The following RPGRIP1 variants were observed in gnomAD, a reference collection of about 807,000 sequenced individuals.
RPGRIP1 encodes RPGR interacting protein 1.
RPGRIP1 carries 128 observed loss-of-function variants against 157.9 expected under a neutral mutation model. The ratio of observed to expected loss-of-function variants is 0.81; its 90% CI spans 0.70 to 0.94. The LOEUF (loss-of-function observed/expected upper bound fraction) is 0.94. Ranked by LOEUF, RPGRIP1 falls within the 40% of genes least tolerant of loss-of-function variation. The probability of loss-of-function intolerance (pLI) is 0.00; values close to 1 mark genes in which losing one functional copy is unlikely to be tolerated. For synonymous variants in RPGRIP1, 554 were observed against 571.6 expected, an observed-to-expected ratio of 0.97 and a Z score of 0.44; for missense variants, 1,486 against 1,545.8, an observed-to-expected ratio of 0.96 and a Z score of 0.65.
chr14:21,325,724 G>A, intron 16 of RPGRIP1, 107 bp from the exon 17 acceptor site: 2 of 829,390 alleles, frequency 2.4e-6, no homozygotes, highest in South Asian at 3.8e-5. Flanking sequence ...ATCCAGTTGG[G>A]ATAGCTGTTC....
chr14:21,317,963 G>A (rs1881944319), intron 11 of RPGRIP1, 113 bp downstream of exon 11: 2 of 913,916 alleles, frequency 2.2e-6, no homozygotes, highest in African/African-American at 1.7e-5. Context: ...CTATTCTTTT[G>A]TGGGTTGTAG....
In RPGRIP1 at chr14:21,328,460, G is replaced by C; in HGVS notation, c.2932G>C (p.Gly978Arg). 1 of 1,613,594 alleles carries C rather than the reference G, an allele frequency of 6.2e-7. No individual in the cohort carries two copies. ...MASPEVPIEAGQYRSKRKPPH... is the reference protein window; with the variant it reads ...MASPEVPIEARQYRSKRKPPH... Reference sequence around the variant, plus strand: ...ATCTCCTGAGGTTCCCATTGAAGCTGGCCAGTATCGATCTAAGAGAAAACC... The same window carrying C: ...ATCTCCTGAGGTTCCCATTGAAGCTCGCCAGTATCGATCTAAGAGAAAACC... Residue 978 changes from glycine to arginine, a missense_variant, in exon 19 of 25, where the codon GGC becomes CGC. Gly to Arg is a moderately radical substitution (Grantham distance 125). Coordinates refer to ENST00000400017, the MANE Select transcript of RPGRIP1 (RefSeq NM_020366.4).
In RPGRIP1 at chr14:21,304,389, G is replaced by GAGAAAGAA. The variant is rs4058350; in HGVS notation, c.800+896_800+903dup. Among the ~76,000 whole-genome samples, 1,032 of 121,008 alleles carry GAGAAAGAA rather than the reference G, an allele frequency of 8.5e-3. 8 individuals carry two copies. The highest frequency in any genetic ancestry group is 0.025 in the Middle Eastern group (6 of 244). The allele number at this position is 121,008 out of a possible 152,430, so 79.4% of individuals were successfully genotyped here. Reference sequence around the variant, plus strand: ...AAGGAAGGGAGGGAGGAAGGAGAGAGAGAAAGAAAGAAAGAAAGAAAGAAA... The same window carrying GAGAAAGAA: ...AAGGAAGGGAGGGAGGAAGGAGAGAGAGAAAGAAAGAAAGAAAGAAAGAAAGAAAGAAA... On this transcript the variant is annotated intron_variant, in intron 6 of 24. Coordinates refer to ENST00000400017, the MANE Select transcript of RPGRIP1 (RefSeq NM_020366.4).
intron 21 of RPGRIP1, 65 bp downstream of exon 21, chr14:21,334,770 T>C (rs1233124095): frequency 8.9e-7 from 1 of 1,123,190 alleles, no homozygotes; most frequent in Non-Finnish European, 1.3e-6. Context: ...TGGCCAGTCA[T>C]GGGGGCTCAC....
intron 14 of RPGRIP1, among the ~76,000 whole-genome samples, chr14:21,323,346 C>T (rs1882708269): frequency 1.3e-5 from 2 of 151,740 alleles, no homozygotes; most frequent in African/African-American, 4.8e-5. Context: ...CGCTTGAACC[C>T]GGGAGGCAAA....
Position 21,324,798 on chromosome 14 carries a change from C to A in RPGRIP1, c.1943C>A (p.Thr648Asn), listed in dbSNP as rs780101671. ...GCCGCCCTAGCTCAGGCTGGAGATA[C>A]CCAACCTACCACTTTCTGCACCTAT... ...TSAALAQAGD[T>N]QPTTFCTYSF... Residue 648 changes from threonine (T) to asparagine (N), a missense_variant, in exon 15 of 25, where the codon ACC becomes AAC. Physicochemically the swap from Thr to Asn is moderately conservative, Grantham distance 65 (BLOSUM62 0). Coordinates refer to ENST00000400017, the MANE Select transcript of RPGRIP1 (RefSeq NM_020366.4). 2.7e-5 allele frequency: 44 copies of A among 1,614,066 alleles called. No homozygotes were observed. In the South Asian group the frequency reaches 4.7e-4, roughly 17 times the overall value.
At chr14:21,306,718 A>G (rs1185344773) in intron 6 of RPGRIP1, among the ~76,000 whole-genome samples, 1 of 150,642 alleles carries the variant, frequency 6.6e-6, no homozygotes, top group African/African-American at 2.5e-5. Flanking sequence ...CAGCCTTCCA[A>G]AGTGCTGGGA....
At chr14:21,349,458 T>G (rs1472762955) in intron 24 of RPGRIP1, among the ~76,000 whole-genome samples, 2 of 143,646 alleles carry the variant, frequency 1.4e-5, no homozygotes, top group Non-Finnish European at 3.0e-5. Flanking sequence ...TGGAGTGCAA[T>G]GGACCGATCT....
intron 1 of RPGRIP1, among the ~76,000 whole-genome samples, chr14:21,286,859 T>C (rs550910732): frequency 2.4e-4 from 36 of 151,896 alleles, no homozygotes; most frequent in Non-Finnish European, 5.2e-4. Context: ...ACATACATAG[T>C]ATTTAAAGTC....
At position 21,327,645 on chromosome 14, in the gene RPGRIP1, T is replaced by C; in HGVS notation, c.2733T>C (p.Pro911=). Residue 911 remains proline, a synonymous_variant, in exon 18 of 25, where the codon CCT becomes CCC. Transcript: ENST00000400017. ...SIKGDFNLTD[P]AEKPNGSIQV... ...CAGGTGATTTTAACCTCACTGACCC[T>C]GCAGAGAAACCCAACGGATCTATTC... 6.2e-7 allele frequency: 1 copy of C among 1,613,986 alleles called. No individual in the cohort carries two copies. The highest frequency in any genetic ancestry group is 8.5e-7 in the Non-Finnish European group (1 of 1,179,848).
intron 21 of RPGRIP1, among the ~76,000 whole-genome samples, chr14:21,339,064 A>G (rs1020708179): frequency 6.6e-6 from 1 of 152,166 alleles, no homozygotes; most frequent in Non-Finnish European, 1.5e-5. Context: ...TGAGCCCAGG[A>G]GGTGGAGGTT....
intron 16 of RPGRIP1, 59 bp downstream of exon 16, chr14:21,325,442 C>A: frequency 6.8e-7 from 1 of 1,478,900 alleles, no homozygotes; most frequent in Non-Finnish European, 9.2e-7. Context: ...AGCTCATGAG[C>A]ACAGTTCAGT....
At chr14:21,304,054 T>C (rs1566673050) in intron 6 of RPGRIP1, among the ~76,000 whole-genome samples, 2 of 151,160 alleles carry the variant, frequency 1.3e-5, no homozygotes, top group Non-Finnish European at 2.9e-5. Flanking sequence ...GGCTCACGCC[T>C]GTAATCCCAG....
chr14:21,297,174 A>G (rs943076174), intron 3 of RPGRIP1, among the ~76,000 whole-genome samples: 1 of 151,896 alleles, frequency 6.6e-6, no homozygotes, highest in Non-Finnish European at 1.5e-5. Context: ...GCTCACCGGC[A>G]ATCTCTGCCT....
In RPGRIP1 at chr14:21,335,302, G is replaced by A. The variant is rs145962372; in HGVS notation, c.3339+597G>A. Among the ~76,000 whole-genome samples, 12 of 152,120 alleles carry A rather than the reference G, an allele frequency of 7.9e-5. No homozygotes were observed. In the East Asian group the frequency reaches 2.1e-3, roughly 27 times the overall value. On this transcript the variant is annotated intron_variant, in intron 21 of 24. Coordinates refer to ENST00000400017, the MANE Select transcript of RPGRIP1 (RefSeq NM_020366.4). ...CTCTTACTCCCATATCCTCCATTGT[G>A]TCCTGTAATTCATGCCCAGCCTGAA...
At chr14:21,280,674 T>A (rs1035894965) in intron 1 of RPGRIP1, among the ~76,000 whole-genome samples, 11 of 152,132 alleles carry the variant, frequency 7.2e-5, no homozygotes, top group Admixed American at 6.6e-4. Context: ...CTTTTGATTC[T>A]CCTTCCTCAG....
chr14:21,296,342 C>T (rs1346337089), intron 3 of RPGRIP1, among the ~76,000 whole-genome samples: 1 of 151,900 alleles, frequency 6.6e-6, no homozygotes, highest in Non-Finnish European at 1.5e-5. Context: ...GCTAGGATTA[C>T]AGGTGTGAGC....
At chr14:21,306,700 AC>A (rs1345168973) in intron 6 of RPGRIP1, among the ~76,000 whole-genome samples, 1 of 142,494 alleles carries the variant, frequency 7.0e-6, no homozygotes, top group Non-Finnish European at 1.5e-5. Flanking sequence ...CTCGTGATCC[AC>A]CCGCCTCAGC....
chr14:21,320,315 A>G (rs981880709), intron 12 of RPGRIP1, 138 bp downstream of exon 12: 35 of 822,502 alleles, frequency 4.3e-5, no homozygotes, highest in East Asian at 1.4e-4. Context: ...TTTTTGAGAC[A>G]GAGTCTCGCT....
Sources: gnomAD v4.1 joint callset for allele counts (sites outside exome capture counted in the v4.1 genomes callset) on GRCh38, gnomAD v4.1.1 for gene constraint, MANE v1.5 for transcripts, NCBI Gene and HGNC (gene_info 2026-07-23, HGNC 2026-07-21) for gene names.